SPOCK1: variants seen among roughly 807,000 people sequenced by gnomAD.
SPOCK1 encodes testican-1.
A neutral mutation model predicts 55.3 loss-of-function variants in SPOCK1; 23 were observed. The ratio of observed to expected loss-of-function variants is 0.42; its 90% CI spans 0.30 to 0.59. The LOEUF is 0.59. Among genes scored for constraint, SPOCK1 ranks in the 20% least tolerant of loss-of-function variants. The probability of loss-of-function intolerance (pLI) is 0.22; values close to 1 mark genes in which losing one functional copy is unlikely to be tolerated. For missense variants in SPOCK1, 499 were observed against 552.5 expected, an observed-to-expected ratio of 0.90 and a Z score of 0.97; for synonymous variants, 226 against 221.0, an observed-to-expected ratio of 1.02 and a Z score of -0.20.
intron 3 of SPOCK1, among the ~76,000 whole-genome samples, chr5:137,260,595 A>G (rs982502419): frequency 2.6e-5 from 4 of 152,248 alleles, no homozygotes; most frequent in African/African-American, 9.6e-5. Flanking sequence ...CACCCATGAG[A>G]TTCAAATTTT....
chr5:137,323,173 C>T (rs1332462500), intron 2 of SPOCK1, among the ~76,000 whole-genome samples: 1 of 152,156 alleles, frequency 6.6e-6, no homozygotes. Context: ...AATAGTAAGT[C>T]CTTCCCTATT....
intron 2 of SPOCK1, among the ~76,000 whole-genome samples, chr5:137,294,458 T>A (rs906113241): frequency 2.0e-5 from 3 of 151,746 alleles, no homozygotes; most frequent in Admixed American, 2.0e-4. Flanking sequence ...CAGTCAAGAG[T>A]TGAACACAAG....
chr5:137,370,114 G>C (rs1024627220), intron 2 of SPOCK1, among the ~76,000 whole-genome samples: 1 of 152,022 alleles, frequency 6.6e-6, no homozygotes, highest in Non-Finnish European at 1.5e-5. Flanking sequence ...GGTAGAATTC[G>C]TCTCCTAGGA....
intron 5 of SPOCK1, among the ~76,000 whole-genome samples, chr5:137,091,083 G>C (rs13188670): frequency 6.6e-6 from 1 of 152,048 alleles, no homozygotes; most frequent in Non-Finnish European, 1.5e-5. Flanking sequence ...ATGAAGACAC[G>C]AGCATAGGAG....
At chr5:137,199,877 T>A (rs4435858) in intron 3 of SPOCK1, among the ~76,000 whole-genome samples, 130,653 of 152,128 alleles carry the variant, frequency 0.86, 56,200 homozygotes, top group African/African-American at 0.91. Flanking sequence ...CGCATCCTGA[T>A]ATGAACACCC....
intron 3 of SPOCK1, among the ~76,000 whole-genome samples, chr5:137,253,637 A>G (rs1038188343): frequency 6.6e-6 from 1 of 152,196 alleles, no homozygotes; most frequent in Non-Finnish European, 1.5e-5. Flanking sequence ...TCTTACATGT[A>G]CACATCCCAG....
At chr5:137,446,690 G>A (rs967834787) in intron 2 of SPOCK1, among the ~76,000 whole-genome samples, 1 of 152,122 alleles carries the variant, frequency 6.6e-6, no homozygotes, top group Non-Finnish European at 1.5e-5. Flanking sequence ...ATTTACCATT[G>A]TAAATTTTTA....
chr5:137,205,833 A>G (rs1423260400), intron 3 of SPOCK1, among the ~76,000 whole-genome samples: 1 of 152,248 alleles, frequency 6.6e-6, no homozygotes, highest in Admixed American at 6.5e-5. Context: ...TAGCACTTAC[A>G]TGTACTCGGC....
At chr5:137,448,695 T>C (rs1273965985) in intron 2 of SPOCK1, among the ~76,000 whole-genome samples, 2 of 152,236 alleles carry the variant, frequency 1.3e-5, no homozygotes, top group Non-Finnish European at 2.9e-5. Context: ...TTTTTCCCCA[T>C]CAATCAATTT....
At chr5:137,378,030 C>T (rs1241323987) in intron 2 of SPOCK1, among the ~76,000 whole-genome samples, 3 of 150,194 alleles carry the variant, frequency 2.0e-5, no homozygotes, top group Admixed American at 1.3e-4. Context: ...CCGCAACCTC[C>T]GCCTACTGGG....
chr5:137,119,364 T>C (rs150637322), intron 4 of SPOCK1, among the ~76,000 whole-genome samples: 102 of 152,334 alleles, frequency 6.7e-4, no homozygotes, highest in African/African-American at 1.7e-3. Flanking sequence ...ATGAAAAACA[T>C]GTTAACCATT....
chr5:137,286,703 T>C (rs1287022062), intron 2 of SPOCK1, among the ~76,000 whole-genome samples: 1 of 152,014 alleles, frequency 6.6e-6, no homozygotes, highest in East Asian at 1.9e-4. Context: ...AGCAGGAGGG[T>C]GGTAGGTGAA....
Position 137,498,626 on chromosome 5 carries a change from C to A in SPOCK1, c.1-68G>T, listed in dbSNP as rs144200958. 4.6e-3 allele frequency: 5,608 copies of A among 1,212,864 alleles called. 221 individuals carry two copies. The African/African-American group carries it at 0.077, about 17-fold the overall frequency. The allele number at this position is 1,212,864 out of a possible 1,614,324, so 75.1% of individuals were successfully genotyped here. On this transcript the variant is annotated intron_variant, in intron 1 of 10. Coordinates refer to ENST00000394945, the MANE Select transcript of SPOCK1 (RefSeq NM_004598.4). ...CGGCCGCGAGCCCCGGGCACCCAGG[C>A]GTCCCAGCGCCCCAGCCCGGAGGCG...
chr5:137,269,326 C>T (rs1027794532), intron 2 of SPOCK1, among the ~76,000 whole-genome samples: 2 of 152,184 alleles, frequency 1.3e-5, no homozygotes, highest in Admixed American at 1.3e-4. Flanking sequence ...TTGCTTTTGC[C>T]CTGCCTCAGG....
At chr5:137,257,029 T>A (rs1042929542) in intron 3 of SPOCK1, among the ~76,000 whole-genome samples, 4 of 152,122 alleles carry the variant, frequency 2.6e-5, no homozygotes, top group African/African-American at 9.7e-5. Flanking sequence ...TCAGCTAGAG[T>A]TGGGTCAGGG....
chr5:137,387,920 A>T (rs1046998882), intron 2 of SPOCK1, among the ~76,000 whole-genome samples: 2 of 152,228 alleles, frequency 1.3e-5, no homozygotes, highest in African/African-American at 4.8e-5. Context: ...TACAGTTTGT[A>T]ACCCCTGCTT....
At chr5:137,054,493 A>C (rs2126999447) in intron 6 of SPOCK1, among the ~76,000 whole-genome samples, 1 of 152,342 alleles carries the variant, frequency 6.6e-6, no homozygotes, top group South Asian at 2.1e-4. Flanking sequence ...CAAAGGCAGC[A>C]CATGTGGCAG....
intron 9 of SPOCK1, among the ~76,000 whole-genome samples, chr5:136,981,466 C>T (rs569567374): frequency 1.7e-4 from 26 of 152,274 alleles, no homozygotes; most frequent in East Asian, 7.7e-4. Flanking sequence ...ATGCATTTGA[C>T]GCTATGAAGT....
chr5:137,037,437 T>C (rs1751905667), intron 6 of SPOCK1, among the ~76,000 whole-genome samples: 1 of 151,726 alleles, frequency 6.6e-6, no homozygotes, highest in African/African-American at 2.4e-5. Flanking sequence ...TAGTCCACCT[T>C]GTTAGGCTCC....
Sources: gnomAD v4.1 joint callset for allele counts (sites outside exome capture counted in the v4.1 genomes callset) on GRCh38, gnomAD v4.1.1 for gene constraint, MANE v1.5 for transcripts, NCBI Gene and HGNC (gene_info 2026-07-23, HGNC 2026-07-21) for gene names.